CCDC13: variants seen among roughly 807,000 people sequenced by gnomAD.
CCDC13 encodes coiled-coil domain-containing protein 13.
A neutral mutation model predicts 87.3 loss-of-function variants in CCDC13; 70 were observed. The observed-to-expected ratio is 0.80, with a 90% confidence interval of 0.66 to 0.98. CCDC13 has a LOEUF of 0.98. CCDC13 is among the 50% of genes least tolerant of loss of function. CCDC13 has a pLI of 0.00. For synonymous variants in CCDC13, 317 were observed against 360.3 expected, an observed-to-expected ratio of 0.88 and a Z score of 1.36; for missense variants, 842 against 892.0, an observed-to-expected ratio of 0.94 and a Z score of 0.71.
chr3:42,762,455 G>A (rs960242354), intron 1 of CCDC13, among the ~76,000 whole-genome samples: 1 of 152,176 alleles, frequency 6.6e-6, no homozygotes, highest in African/African-American at 2.4e-5. Flanking sequence ...GTGATTCATT[G>A]CCAGGTGCAG....
rs1251284558 is a variant in CCDC13 at position 42,708,391 on chromosome 3, T to A, written c.*589A>T. ...CTCACTCACTGGGAGCTGCAGTGAT[T>A]ATGAAAATACTTATTATTATTACAA... On this transcript the variant is annotated 3_prime_UTR_variant, in exon 16 of 16. Coordinates refer to ENST00000310232, the MANE Select transcript of CCDC13 (RefSeq NM_144719.4). 3 of 152,154 alleles carry A rather than the reference T, an allele frequency of 2.0e-5. No homozygotes were observed. Among genetic ancestry groups the A allele is most frequent in the African/African-American group, 7.2e-5 (3 of 41,388 alleles). 9.4% of individuals were successfully genotyped at this position (152,154 alleles called of 1,614,324 possible).
intron 9 of CCDC13, among the ~76,000 whole-genome samples, chr3:42,738,744 T>C (rs1348248229): frequency 6.6e-6 from 1 of 152,186 alleles, no homozygotes; most frequent in Non-Finnish European, 1.5e-5. Flanking sequence ...ATGCTTGGGA[T>C]TTTTGCACAT....
At chr3:42,767,987 AG>A (rs1274174175) in intron 1 of CCDC13, among the ~76,000 whole-genome samples, 1 of 152,080 alleles carries the variant, frequency 6.6e-6, no homozygotes, top group African/African-American at 2.4e-5. Flanking sequence ...AAAAAAAAAA[AG>A]ACTTACTATA....
Position 42,735,803 on chromosome 3 carries a change from C to T in CCDC13, c.1275G>A (p.Arg425=). 2 of 1,614,246 alleles carry T rather than the reference C, an allele frequency of 1.2e-6. No individual in the cohort carries two copies. The highest frequency in any genetic ancestry group is 1.7e-6 in the Non-Finnish European group (2 of 1,180,042). ...GCAGCTGGGCGACTAGGCTGTTGCT[C>T]CGCTGAGCCTCGCTGTTCAGTTGCT... ...LDQQLNSEAQ[R]SNSLVAQLQA... The change falls in exon 10 of 16, where the codon CGG becomes CGA. Residue 425 remains arginine, a synonymous_variant. Transcript: ENST00000310232.
chr3:42,769,897 C>T (rs1363800266), intron 1 of CCDC13, among the ~76,000 whole-genome samples: 1 of 152,272 alleles, frequency 6.6e-6, no homozygotes, highest in Non-Finnish European at 1.5e-5. Flanking sequence ...CCTTAGCTGC[C>T]TCCCCGCAGG....
intron 5 of CCDC13, among the ~76,000 whole-genome samples, chr3:42,747,937 T>A (rs1454407358): frequency 6.6e-6 from 1 of 152,226 alleles, no homozygotes. Flanking sequence ...TTTTGACAGC[T>A]GAGGGGCCTT....
intron 2 of CCDC13, 30 bp downstream of exon 2, chr3:42,758,094 CA>C (rs1699747051): frequency 1.4e-5 from 22 of 1,535,340 alleles, no homozygotes; most frequent in African/African-American, 7.1e-5. Flanking sequence ...CACACACACA[CA>C]CCCCTGAGAG....
At chr3:42,736,858 A>G (rs983720295) in intron 9 of CCDC13, among the ~76,000 whole-genome samples, 1 of 152,136 alleles carries the variant, frequency 6.6e-6, no homozygotes, top group African/African-American at 2.4e-5. Context: ...GAAAAGTCCA[A>G]GCTGTAGGGT....
At chr3:42,756,159 G>T (rs75141447) in intron 3 of CCDC13, among the ~76,000 whole-genome samples, 4,262 of 152,316 alleles carry the variant, frequency 0.028, 197 homozygotes, top group African/African-American at 0.096. Flanking sequence ...AAGGACAATA[G>T]TCTGGTAGAT....
intron 13 of CCDC13, among the ~76,000 whole-genome samples, 165 bp from the exon 14 acceptor site, chr3:42,713,481 G>A (rs1177814076): frequency 6.6e-6 from 1 of 152,072 alleles, no homozygotes. Flanking sequence ...AACACCATAT[G>A]GTTCTCTCCA....
intron 8 of CCDC13, 31 bp downstream of exon 8, chr3:42,742,865 T>A (rs1298792247): frequency 6.2e-7 from 1 of 1,612,154 alleles, no homozygotes; most frequent in Non-Finnish European, 8.5e-7. Flanking sequence ...CGTTCCCACA[T>A]GCCCAGCTGA....
intron 7 of CCDC13, chr3:42,745,393 ACTTG>A (rs1392108281): frequency 1.3e-5 from 2 of 153,556 alleles, no homozygotes. Flanking sequence ...AGCTAAAGGA[ACTTG>A]CTTAAGGTCA....
chr3:42,713,098 G>A (rs1300500032), intron 14 of CCDC13, 64 bp downstream of exon 14: 2 of 1,560,636 alleles, frequency 1.3e-6, no homozygotes, highest in African/African-American at 1.4e-5. Flanking sequence ...CAGCTGCCTG[G>A]CTCCTCTGTT....
At chr3:42,725,403 A>T (rs1407161509) in intron 13 of CCDC13, among the ~76,000 whole-genome samples, 1 of 152,022 alleles carries the variant, frequency 6.6e-6, no homozygotes, top group Non-Finnish European at 1.5e-5. Context: ...GCATGTTGGC[A>T]TGTGCCTGTG....
chr3:42,713,135 C>A lies in CCDC13; in HGVS notation c.1873+27G>T, dbSNP rs1389738771. The A allele has an allele frequency of 3.1e-6, 5 of 1,608,742 alleles. No individual in the cohort carries two copies. The East Asian group carries it at 8.9e-5, about 29-fold the overall frequency. On this transcript the variant is annotated intron_variant, in intron 14 of 15. Transcript: ENST00000310232. Reference sequence around the variant, plus strand: ...GCAGCAACACTGCCTCCACCCCCTGCACTGAGACTACTGCCCTGGCCCCTA... The same window carrying A: ...GCAGCAACACTGCCTCCACCCCCTGAACTGAGACTACTGCCCTGGCCCCTA...
At chr3:42,733,325 A>T in intron 11 of CCDC13, 145 bp downstream of exon 11, 1 of 1,013,582 alleles carries the variant, frequency 9.9e-7, no homozygotes, top group South Asian at 1.3e-5. Context: ...CTAATGTCAT[A>T]GGAGAGGCCC....
rs1698211989 is a variant in CCDC13, at chr3:42,707,819, T to G, written c.*1161A>C. Among the ~76,000 whole-genome samples, 1 of 152,198 alleles carries G rather than the reference T, an allele frequency of 6.6e-6. No homozygotes were observed. Among genetic ancestry groups the G allele is most frequent in the Non-Finnish European group, 1.5e-5 (1 of 68,038 alleles). On this transcript the variant is annotated 3_prime_UTR_variant, in exon 16 of 16. Coordinates refer to ENST00000310232, the MANE Select transcript of CCDC13 (RefSeq NM_144719.4). ...ATGTGTGTGCATCTGCATCTTTGTGTGGGGCTGTGGGTGCACCTGTGTGGC... is the reference window on the plus strand; with the variant it reads ...ATGTGTGTGCATCTGCATCTTTGTGGGGGGCTGTGGGTGCACCTGTGTGGC...
intron 13 of CCDC13, chr3:42,718,997 G>C (rs1698494663): frequency 1.3e-5 from 2 of 152,108 alleles, no homozygotes; most frequent in African/African-American, 2.4e-5. Flanking sequence ...TGGGTTAGAG[G>C]CCCAACTTAG....
chr3:42,705,467 C>G (rs932461241), downstream of CCDC13, among the ~76,000 whole-genome samples: 15 of 152,208 alleles, frequency 9.9e-5, no homozygotes, highest in Admixed American at 8.5e-4. Flanking sequence ...CCAGGTCTCA[C>G]CTGTCAGTGC....
Sources: gnomAD v4.1 joint callset for allele counts (sites outside exome capture counted in the v4.1 genomes callset) on GRCh38, gnomAD v4.1.1 for gene constraint, MANE v1.5 for transcripts, NCBI Gene and HGNC (gene_info 2026-07-23, HGNC 2026-07-21) for gene names.